Variants in CSMD1 observed in about 807,000 individuals in gnomAD.
The protein encoded by CSMD1 is CUB and sushi domain-containing protein 1.
A neutral mutation model predicts 417.5 loss-of-function variants in CSMD1; 213 were observed. That is an observed-to-expected ratio of 0.51 (90% CI 0.46 to 0.57). CSMD1 has a LOEUF of 0.57. Among genes scored for constraint, CSMD1 ranks in the 20% least tolerant of loss-of-function variants. The probability of loss-of-function intolerance (pLI) is 0.00; values close to 1 mark genes in which losing one functional copy is unlikely to be tolerated. For missense variants in CSMD1, 6,923 were observed against 4,529.7 expected (o/e 1.53, Z -15.17); for synonymous variants, 2,862 against 1,736.8 (o/e 1.65, Z -16.11).
At chr8:3,092,620 T>C (rs1815019809) in intron 47 of CSMD1, among the ~76,000 whole-genome samples, 1 of 152,214 alleles carries the variant, frequency 6.6e-6, no homozygotes, top group South Asian at 2.1e-4. Context: ...TTCACCTGTC[T>C]ATGGTATTTG....
chr8:4,737,641 G>C (rs528513195), intron 1 of CSMD1, among the ~76,000 whole-genome samples: 159 of 152,206 alleles, frequency 1.0e-3, no homozygotes, highest in Admixed American at 1.5e-3. Flanking sequence ...TTACCAAATG[G>C]TTGAGATAAA....
At chr8:4,233,588 C>G (rs1403332035) in intron 3 of CSMD1, among the ~76,000 whole-genome samples, 1 of 152,144 alleles carries the variant, frequency 6.6e-6, no homozygotes, top group Non-Finnish European at 1.5e-5. Context: ...TGTCTATGAA[C>G]CAGGAAATGA....
chr8:4,687,063 G>C (rs1001260449), intron 1 of CSMD1, among the ~76,000 whole-genome samples: 1 of 152,214 alleles, frequency 6.6e-6, no homozygotes, highest in African/African-American at 2.4e-5. Flanking sequence ...CTGAGGCTGA[G>C]CTTCAGGCGA....
At chr8:4,489,101 G>A (rs1420070186) in intron 2 of CSMD1, among the ~76,000 whole-genome samples, 6 of 152,020 alleles carry the variant, frequency 3.9e-5, no homozygotes, top group Admixed American at 6.6e-5. Flanking sequence ...TAGTAGAGAC[G>A]GGGTTTCACC....
intron 12 of CSMD1, among the ~76,000 whole-genome samples, chr8:3,418,303 T>C (rs1203629336): frequency 1.3e-5 from 2 of 152,144 alleles, no homozygotes; most frequent in East Asian, 3.9e-4. Context: ...CTCATCTCGC[T>C]TGTCTCATGG....
chr8:2,951,137 G>A lies in CSMD1; in HGVS notation c.10178C>T (p.Ser3393Leu), dbSNP rs1473162617. The A allele has an allele frequency of 6.8e-6, 11 of 1,613,360 alleles. No homozygotes were observed. The highest frequency in any genetic ancestry group is 1.1e-5 in the South Asian group (1 of 91,040). ...SKVNATFSEA[S>L]PVELKLTGIY... Reference sequence around the variant, plus strand: ...ACCTGTCAACTTCAGCTCCACTGGCGAGGCTTCGCTGAAGGTGGCATTCAC... The same window carrying A: ...ACCTGTCAACTTCAGCTCCACTGGCAAGGCTTCGCTGAAGGTGGCATTCAC... The change falls in exon 66 of 70, where the codon TCG becomes TTG. Residue 3393 changes from serine to leucine, a missense_variant. By Grantham distance (145) the Ser-to-Leu change is moderately radical. Transcript: ENST00000635120.
chr8:4,588,054 A>G (rs952186371), intron 2 of CSMD1, among the ~76,000 whole-genome samples: 4 of 152,200 alleles, frequency 2.6e-5, no homozygotes, highest in Non-Finnish European at 4.4e-5. Context: ...AAAAGGAGCA[A>G]GGTAAAGCAA....
chr8:4,050,859 G>C (rs1354708167), intron 3 of CSMD1, among the ~76,000 whole-genome samples: 2 of 152,166 alleles, frequency 1.3e-5, no homozygotes, highest in African/African-American at 2.4e-5. Context: ...TTCTGGATCT[G>C]AAAGGGCACT....
intron 1 of CSMD1, among the ~76,000 whole-genome samples, chr8:4,955,831 G>A (rs550847561): frequency 1.4e-5 from 2 of 145,236 alleles, no homozygotes; most frequent in East Asian, 2.2e-4. Context: ...TATTTAGGTC[G>A]TAGAAATTGG....
At chr8:3,901,081 T>C (rs933607461) in intron 5 of CSMD1, among the ~76,000 whole-genome samples, 3 of 152,226 alleles carry the variant, frequency 2.0e-5, no homozygotes, top group Admixed American at 6.5e-5. Context: ...AAATAATTTA[T>C]AACCTGGAGT....
chr8:4,014,381 G>A (rs909694976), intron 4 of CSMD1, among the ~76,000 whole-genome samples: 3 of 152,152 alleles, frequency 2.0e-5, no homozygotes, highest in South Asian at 4.1e-4. Context: ...TTATGTCAAT[G>A]CACATAGAAG....
chr8:3,953,735 C>G (rs1395904946), intron 5 of CSMD1, among the ~76,000 whole-genome samples: 1 of 152,082 alleles, frequency 6.6e-6, no homozygotes, highest in African/African-American at 2.4e-5. Context: ...GCTTCCCCCA[C>G]AGAGCCCCTG....
intron 3 of CSMD1, among the ~76,000 whole-genome samples, chr8:4,212,035 A>G (rs1299354575): frequency 2.6e-5 from 4 of 152,136 alleles, no homozygotes; most frequent in South Asian, 2.1e-4. Context: ...GTAATGCAAT[A>G]AAAGGACCTT....
chr8:4,776,412 G>A (rs1796855471), intron 1 of CSMD1, among the ~76,000 whole-genome samples: 1 of 152,072 alleles, frequency 6.6e-6, no homozygotes, highest in Non-Finnish European at 1.5e-5. Context: ...TTCTTATGGT[G>A]CCTCTAGAGA....
chr8:4,794,193 A>G (rs35040680), intron 1 of CSMD1, among the ~76,000 whole-genome samples: 49,479 of 152,034 alleles, frequency 0.33, 8,711 homozygotes, highest in Admixed American at 0.43. Context: ...ATATTATTTT[A>G]CATTTTAACA....
chr8:3,794,653 T>C (rs1799940191), intron 5 of CSMD1, among the ~76,000 whole-genome samples: 1 of 152,136 alleles, frequency 6.6e-6, no homozygotes, highest in Admixed American at 6.6e-5. Context: ...CTAGAAGTTA[T>C]GTGATTATTT....
chr8:4,048,987 T>G (rs959795787), intron 3 of CSMD1, among the ~76,000 whole-genome samples: 2 of 152,160 alleles, frequency 1.3e-5, no homozygotes, highest in African/African-American at 4.8e-5. Flanking sequence ...TTCTCTAAGG[T>G]TGATACAAAG....
intron 3 of CSMD1, among the ~76,000 whole-genome samples, chr8:4,241,609 A>C (rs1802408447): frequency 1.3e-5 from 2 of 152,180 alleles, no homozygotes; most frequent in African/African-American, 4.8e-5. Context: ...AGTTTAGAGG[A>C]TTTCTATGTA....
intron 6 of CSMD1, among the ~76,000 whole-genome samples, chr8:3,729,922 T>TAAAAAAAAAAA (rs1160679199): frequency 1.5e-4 from 7 of 47,062 alleles, no homozygotes; most frequent in African/African-American, 8.2e-4. Flanking sequence ...CAATTCAAAG[T>TAAAAAAAAAAA]AAAAAAAAAA....
Sources: gnomAD v4.1 joint callset for allele counts (sites outside exome capture counted in the v4.1 genomes callset) on GRCh38, gnomAD v4.1.1 for gene constraint, MANE v1.5 for transcripts, NCBI Gene and HGNC (gene_info 2026-07-23, HGNC 2026-07-21) for gene names.